Variants in SEC63 observed in about 807,000 individuals in gnomAD.
SEC63 encodes SEC63 protein translocation regulator, also known as translocation protein SEC63 homolog.
In SEC63, 56 loss-of-function variants were observed where a neutral mutation model predicts 116.2. The ratio of observed to expected loss-of-function variants is 0.48; its 90% CI spans 0.39 to 0.60. The LOEUF (loss-of-function observed/expected upper bound fraction) is 0.60, where lower values mean the gene tolerates loss of function less well. SEC63 is among the 20% of genes least tolerant of loss of function. The pLI, the probability that SEC63 is intolerant of heterozygous loss-of-function variation, is 0.00. For synonymous variants in SEC63, 273 were observed against 294.6 expected (o/e 0.93, Z 0.75); for missense variants, 668 against 900.0 (o/e 0.74, Z 3.30).
chr6:107,928,727 T>A (rs1787732136), intron 2 of SEC63, among the ~76,000 whole-genome samples: 1 of 152,218 alleles, frequency 6.6e-6, no homozygotes. Context: ...TCACCTCCTG[T>A]CAGTTTCATC....
At chr6:107,940,631 A>G (rs1352859127) in intron 1 of SEC63, among the ~76,000 whole-genome samples, 3 of 152,120 alleles carry the variant, frequency 2.0e-5, no homozygotes, top group Non-Finnish European at 4.4e-5. Context: ...ACATACACAT[A>G]CACAGGCACA....
chr6:107,893,352 A>G lies in SEC63; in HGVS notation c.1674+130T>C. 3.7e-6 allele frequency: 3 copies of G among 817,794 alleles called. No homozygotes were observed. The South Asian group carries it at 4.6e-5, about 13-fold the overall frequency. 50.7% of individuals were successfully genotyped at this position (817,794 alleles called of 1,614,324 possible). On this transcript the variant is annotated intron_variant, in intron 16 of 20. Coordinates refer to ENST00000369002, the MANE Select transcript of SEC63 (RefSeq NM_007214.5). ...AGGGCTCACTGACTGAGAAGAGCAC[A>G]AGGGAGCTTTCTAGGGTATCACGGG...
At chr6:107,905,122 GA>G (rs1479930689) in intron 10 of SEC63, among the ~76,000 whole-genome samples, 1 of 152,156 alleles carries the variant, frequency 6.6e-6, no homozygotes, top group African/African-American at 2.4e-5. Flanking sequence ...GCAACTTACA[GA>G]AAGAGAAAGA....
At chr6:107,957,759 A>G in intron 1 of SEC63, 127 bp downstream of exon 1, 3 of 1,037,598 alleles carry the variant, frequency 2.9e-6, no homozygotes, top group Non-Finnish European at 3.7e-6. Flanking sequence ...CGCTGGACAC[A>G]GGCCGGGCCG....
At chr6:107,951,914 AG>A (rs1353511975) in intron 1 of SEC63, among the ~76,000 whole-genome samples, 1 of 151,082 alleles carries the variant, frequency 6.6e-6, no homozygotes, top group Non-Finnish European at 1.5e-5. Context: ...CAGACCTTGC[AG>A]TGAGCTGAGA....
intron 4 of SEC63, among the ~76,000 whole-genome samples, chr6:107,914,980 G>A (rs1787365805): frequency 6.6e-6 from 1 of 152,180 alleles, no homozygotes; most frequent in African/African-American, 2.4e-5. Flanking sequence ...CAACTGCTGT[G>A]TGATGGGAAC....
chr6:107,898,165 G>A (rs1179678347), intron 13 of SEC63, among the ~76,000 whole-genome samples: 2 of 151,790 alleles, frequency 1.3e-5, no homozygotes, highest in African/African-American at 2.4e-5. Context: ...TCGGGAGGCT[G>A]AGGTGGAGGA....
At chr6:107,873,966 C>T (rs2114389718) in intron 19 of SEC63, among the ~76,000 whole-genome samples, 1 of 152,254 alleles carries the variant, frequency 6.6e-6, no homozygotes, top group South Asian at 2.1e-4. Context: ...AAAGAATCAT[C>T]AACATATGTT....
chr6:107,939,004 C>T (rs1310951215), intron 1 of SEC63, among the ~76,000 whole-genome samples: 2 of 152,064 alleles, frequency 1.3e-5, no homozygotes, highest in Admixed American at 6.5e-5. Flanking sequence ...TTACAATGGC[C>T]GGGCACAGTA....
chr6:107,881,335 C>T (rs1185497181), intron 17 of SEC63, 85 bp from the exon 18 acceptor site: 1 of 881,118 alleles, frequency 1.1e-6, no homozygotes, highest in African/African-American at 1.7e-5. Context: ...CCTGACAATG[C>T]TAATTAACTA....
Position 107,868,709 on chromosome 6 carries a change from C to T in SEC63, c.*2995G>A, listed in dbSNP as rs1786056440. The T allele has an allele frequency of 6.6e-6, 1 of 151,468 alleles. No individual in the cohort carries two copies. The highest frequency in any genetic ancestry group is 2.1e-4 in the South Asian group (1 of 4,818). 9.4% of individuals were successfully genotyped at this position (151,468 alleles called of 1,614,324 possible). A position where few individuals can be genotyped will look rare whatever the true frequency, so the allele number is the denominator to read the frequency against. ...AAGGCATTCCAAATAATAGCCAAGG[C>T]AAATGGATTTAAATGGATTGCCACT... On this transcript the variant is annotated 3_prime_UTR_variant, in exon 21 of 21. Coordinates refer to ENST00000369002, the MANE Select transcript of SEC63 (RefSeq NM_007214.5).
At chr6:107,898,861 A>G (rs1786927468) in intron 13 of SEC63, among the ~76,000 whole-genome samples, 1 of 152,138 alleles carries the variant, frequency 6.6e-6, no homozygotes, top group Non-Finnish European at 1.5e-5. Flanking sequence ...CTGGTCTGGC[A>G]TTTACTAACA....
At position 107,906,598 on chromosome 6, in the gene SEC63, A is replaced by G. The variant is rs371924943; in HGVS notation, c.829-18T>C. On this transcript the variant is annotated intron_variant, in intron 9 of 20. Transcript: ENST00000369002. ...CTGATTAGCTAGAATAAATAAAATA[A>G]TTATTCAAAAACACGCTTTTTTTAA... 207 of 1,608,888 alleles carry G rather than the reference A, an allele frequency of 1.3e-4. No homozygotes were observed. The highest frequency in any genetic ancestry group is 8.5e-4 in the South Asian group (77 of 90,874).
chr6:107,906,391 A>AT, intron 10 of SEC63, 57 bp downstream of exon 10: 1 of 1,580,674 alleles, frequency 6.3e-7, no homozygotes, highest in Non-Finnish European at 8.7e-7. Flanking sequence ...ATTAAGTCTA[A>AT]TTAATTCTGC....
intron 3 of SEC63, 80 bp downstream of exon 3, chr6:107,924,738 C>A (rs1054487887): frequency 8.0e-6 from 6 of 746,452 alleles, no homozygotes; most frequent in Admixed American, 2.0e-5. Context: ...TAGGAATAGA[C>A]AATTTCTTTT....
chr6:107,924,969 A>C, intron 2 of SEC63, 37 bp from the exon 3 acceptor site: 2 of 1,132,938 alleles, frequency 1.8e-6, no homozygotes, highest in Non-Finnish European at 2.7e-6. Context: ...ATAAACAAAT[A>C]CATCTGCATA....
At chr6:107,940,844 G>A (rs555212337) in intron 1 of SEC63, among the ~76,000 whole-genome samples, 19 of 150,156 alleles carry the variant, frequency 1.3e-4, no homozygotes, top group East Asian at 9.7e-4. Context: ...TACCTGGGAC[G>A]CGGGGAGGGA....
chr6:107,895,363 T>A (rs1786790642), intron 14 of SEC63, among the ~76,000 whole-genome samples: 1 of 152,156 alleles, frequency 6.6e-6, no homozygotes, highest in African/African-American at 2.4e-5. Context: ...TGCTTCCTTA[T>A]CACTTGCTAT....
chr6:107,915,137 C>T (rs1192368706), intron 4 of SEC63, among the ~76,000 whole-genome samples: 1 of 152,132 alleles, frequency 6.6e-6, no homozygotes, highest in Non-Finnish European at 1.5e-5. Context: ...GTATAATTCA[C>T]ATTTAACAAG....
Sources: allele counts gnomAD v4.1 joint callset (sites outside exome capture counted in the v4.1 genomes callset), GRCh38; gene constraint gnomAD v4.1.1; transcripts MANE v1.5; gene names NCBI Gene and HGNC (gene_info 2026-07-23, HGNC 2026-07-21).